Variants in STON1 observed in about 807,000 individuals in gnomAD.
STON1 encodes the protein stonin-1.
In STON1, 79 loss-of-function variants were observed where a neutral mutation model predicts 60.9. The observed-to-expected ratio is 1.30, with a 90% CI of 1.08 to 1.56. The LOEUF (loss-of-function observed/expected upper bound fraction) is 1.56. STON1 is among the 40% of genes most tolerant of loss of function. The probability of loss-of-function intolerance (pLI) is 0.00; values close to 1 mark genes in which losing one functional copy is unlikely to be tolerated. For synonymous variants in STON1, 363 were observed against 306.9 expected (o/e 1.18, Z -1.91); for missense variants, 1,166 against 858.9 (o/e 1.36, Z -4.47).
intron 2 of STON1, among the ~76,000 whole-genome samples, chr2:48,590,800 A>G (rs1674472142): frequency 6.6e-6 from 1 of 152,210 alleles, no homozygotes; most frequent in Non-Finnish European, 1.5e-5. Flanking sequence ...TTAAAGGCCA[A>G]TATGCCCATT....
chr2:48,532,736 C>T (rs1671263403), intron 1 of STON1, among the ~76,000 whole-genome samples: 1 of 152,058 alleles, frequency 6.6e-6, no homozygotes, highest in Admixed American at 6.6e-5. Flanking sequence ...GTAATGAAGG[C>T]CACGGGGGCC....
chr2:48,562,150 C>T lies in STON1; in HGVS notation c.-47-18437C>T, dbSNP rs183521355. Among the ~76,000 whole-genome samples the T allele has an allele frequency of 7.9e-5, 12 of 152,304 alleles. No homozygotes were observed. The East Asian group carries it at 1.7e-3, about 22-fold the overall frequency. Reference sequence around the variant, plus strand: ...TGCTGGGATTACAGGTGTGAGCCACCGCACCTGGCCTCATGTTACTTTTGA... The same window carrying T: ...TGCTGGGATTACAGGTGTGAGCCACTGCACCTGGCCTCATGTTACTTTTGA... On this transcript the variant is annotated intron_variant, in intron 1 of 3. Transcript: ENST00000404752.
chr2:48,539,934 C>T (rs1356871576), intron 1 of STON1, among the ~76,000 whole-genome samples: 2 of 152,080 alleles, frequency 1.3e-5, no homozygotes, highest in African/African-American at 4.8e-5. Flanking sequence ...CTTTTTATGA[C>T]CTCCAGCTTT....
intron 1 of STON1, among the ~76,000 whole-genome samples, chr2:48,564,480 T>TTCCTTCTTCTTCTTCTTCTTC (rs1558604783): frequency 9.2e-5 from 3 of 32,480 alleles, no homozygotes; most frequent in African/African-American, 3.5e-4. Flanking sequence ...CTTCTTCTTC[T>TTCCTTCTTCTTCTTCTTCTTC]TTCTTCTTCT....
chr2:48,573,773 A>G (rs1010040882), intron 1 of STON1, among the ~76,000 whole-genome samples: 1 of 152,252 alleles, frequency 6.6e-6, no homozygotes, highest in African/African-American at 2.4e-5. Flanking sequence ...AACAAACCAA[A>G]TGTCTATCAA....
chr2:48,580,565 C>G (rs562747225), intron 1 of STON1, 22 bp from the exon 2 acceptor site: 3 of 1,321,770 alleles, frequency 2.3e-6, no homozygotes, highest in Admixed American at 3.0e-5. Context: ...CCTATTTTCT[C>G]TTTATTTTAT....
rs552558795 is a variant in STON1 at position 48,577,500 on chromosome 2, G to C, written c.-47-3087G>C. Among the ~76,000 whole-genome samples the C allele has an allele frequency of 4.0e-5, 6 of 150,632 alleles. No homozygotes were observed. In the South Asian group the frequency reaches 1.3e-3, roughly 32 times the overall value. Reference sequence around the variant, plus strand: ...GGAGGCTGAGGCAGGAGAATTGATTGAACCAGGGAGGCGGATGTTGCAGTG... The same window carrying C: ...GGAGGCTGAGGCAGGAGAATTGATTCAACCAGGGAGGCGGATGTTGCAGTG... On this transcript the variant is annotated intron_variant, in intron 1 of 3. Transcript: ENST00000404752.
chr2:48,582,650 C>A lies in STON1; in HGVS notation c.1930+87C>A, dbSNP rs796994424. The stretch of plus-strand genomic sequence containing the variant: ...TCCTTGGGTTGAAACCAGGTAGAGA[C>A]AGATGGCAATTTGTCAGCTGAGGCT... On this transcript the variant is annotated intron_variant, in intron 2 of 3. Coordinates refer to ENST00000404752, the MANE Select transcript of STON1 (RefSeq NM_006873.4). 8.6e-6 allele frequency: 13 copies of A among 1,510,522 alleles called. 1 individual carries two copies. The African/African-American group carries it at 1.7e-4, about 20-fold the overall frequency. 93.6% of individuals were successfully genotyped at this position (1,510,522 alleles called of 1,614,324 possible).
In STON1 at chr2:48,597,537, C is replaced by G. The variant is rs978626044; in HGVS notation, c.*2235C>G. The G allele has an allele frequency of 6.6e-6, 1 of 152,400 alleles. No individual in the cohort carries two copies. Among genetic ancestry groups the G allele is most frequent in the East Asian group, 1.9e-4 (1 of 5,188 alleles). 9.4% of individuals were successfully genotyped at this position (152,400 alleles called of 1,614,324 possible). A position where few individuals can be genotyped will look rare whatever the true frequency, so the allele number is the denominator to read the frequency against. ...TTGCCCCTCATGCTTCACAGGTTGA[C>G]TAGTATCTGTGGGTACCTCCCTGCC... On this transcript the variant is annotated 3_prime_UTR_variant, in exon 4 of 4. Transcript: ENST00000404752.
chr2:48,540,952 G>T (rs1447799199), intron 1 of STON1, among the ~76,000 whole-genome samples: 1 of 152,146 alleles, frequency 6.6e-6, no homozygotes, highest in Non-Finnish European at 1.5e-5. Context: ...GAAAAACATG[G>T]TTAGAGAGTT....
chr2:48,596,372 G>C lies in STON1; in HGVS notation c.*1070G>C, dbSNP rs1473942848. On this transcript the variant is annotated 3_prime_UTR_variant, in exon 4 of 4. Transcript: ENST00000404752. ...CAGAGTCAGGTAAATGACTATAATA[G>C]TTTGGTTTCTAATGAAAAGTCAATA... The C allele has an allele frequency of 6.6e-6, 1 of 152,160 alleles. No homozygotes were observed. Among genetic ancestry groups the C allele is most frequent in the African/African-American group, 2.4e-5 (1 of 41,444 alleles). The allele number at this position is 152,160 out of a possible 1,614,324, so 9.4% of individuals were successfully genotyped here.
chr2:48,581,700 A>G lies in STON1; in HGVS notation c.1067A>G (p.Glu356Gly). Residue 356 changes from glutamate (E) to glycine (G), a missense_variant, in exon 2 of 4, where the codon GAA (glutamate) becomes GGA (glycine). By Grantham distance (98) the Glu-to-Gly change is moderately conservative (BLOSUM62 -2). Coordinates refer to ENST00000404752, the MANE Select transcript of STON1 (RefSeq NM_006873.4). The stretch of plus-strand genomic sequence containing the variant: ...AAGATTGAACATGTGTCTTACACAG[A>G]AAAAAGGAAATACCATTCTAAGACA... Reference protein sequence around the residue: ...TVKIEHVSYTEKRKYHSKTEV... With the variant: ...TVKIEHVSYTGKRKYHSKTEV... 1 of 1,610,896 alleles carries G rather than the reference A, an allele frequency of 6.2e-7. No homozygotes were observed. The highest frequency in any genetic ancestry group is 8.5e-7 in the Non-Finnish European group (1 of 1,179,156).
chr2:48,551,668 G>T (rs1052475250), intron 1 of STON1, among the ~76,000 whole-genome samples: 2 of 152,218 alleles, frequency 1.3e-5, no homozygotes, highest in East Asian at 1.9e-4. Flanking sequence ...TTAGTCTCCC[G>T]CATTTTCCTT....
At chr2:48,559,594 A>C (rs143399278) in intron 1 of STON1, among the ~76,000 whole-genome samples, 1 of 152,198 alleles carries the variant, frequency 6.6e-6, no homozygotes, top group South Asian at 2.1e-4. Flanking sequence ...CATAAACGTA[A>C]CTAATGTTAT....
At position 48,535,075 on chromosome 2, in the gene STON1, T is replaced by A. The variant is rs78729077; in HGVS notation, c.-48+4859T>A. 3.0e-4 allele frequency among the ~76,000 whole-genome samples: 46 copies of A among 152,168 alleles called. No individual in the cohort carries two copies. In the East Asian group the frequency reaches 8.7e-3, roughly 29 times the overall value. On this transcript the variant is annotated intron_variant, in intron 1 of 3. Transcript: ENST00000404752. ...TTTAAAGTAGATCAGGCAAATTATG[T>A]CTTCAGAGCTCTGCAGATTACAGGG...
chr2:48,545,446 G>T (rs1671828552), intron 1 of STON1, among the ~76,000 whole-genome samples: 1 of 152,140 alleles, frequency 6.6e-6, no homozygotes, highest in African/African-American at 2.4e-5. Flanking sequence ...CCAGACATGT[G>T]TCCCTGCTAC....
intron 1 of STON1, among the ~76,000 whole-genome samples, chr2:48,561,129 C>G (rs1271912677): frequency 1.3e-5 from 2 of 152,198 alleles, no homozygotes; most frequent in African/African-American, 4.8e-5. Context: ...CTACCTCTAG[C>G]CCTTGGTTTT....
intron 1 of STON1, among the ~76,000 whole-genome samples, chr2:48,546,905 A>G (rs776400142): frequency 6.6e-6 from 1 of 152,218 alleles, no homozygotes; most frequent in Non-Finnish European, 1.5e-5. Flanking sequence ...ACCACATTGC[A>G]TGAACACACA....
In STON1 at chr2:48,583,381, A is replaced by C. The variant is rs62135240; in HGVS notation, c.1930+818A>C. Among the ~76,000 whole-genome samples the C allele has an allele frequency of 4.4e-3, 670 of 152,332 alleles. 3 individuals carry two copies. Among genetic ancestry groups the C allele is most frequent in the Admixed American group, 7.6e-3 (117 of 15,300 alleles). On this transcript the variant is annotated intron_variant, in intron 2 of 3. Coordinates refer to ENST00000404752, the MANE Select transcript of STON1 (RefSeq NM_006873.4). Reference sequence around the variant, plus strand: ...TAGCATTACAGGTGTGAGCCACCTCATCTGGCCTAAACTGGTTGTTTTAGA... The same window carrying C: ...TAGCATTACAGGTGTGAGCCACCTCCTCTGGCCTAAACTGGTTGTTTTAGA...
Sources: gnomAD v4.1 joint callset for allele counts (sites outside exome capture counted in the v4.1 genomes callset) on GRCh38, gnomAD v4.1.1 for gene constraint, MANE v1.5 for transcripts, NCBI Gene and HGNC (gene_info 2026-07-23, HGNC 2026-07-21) for gene names.